Variants in ZNF623 observed in about 807,000 individuals in gnomAD.
ZNF623 encodes the protein zinc finger protein 623.
ZNF623 carries 16 observed loss-of-function variants against 24.0 expected under a neutral mutation model. That is an observed-to-expected ratio of 0.67 (90% confidence interval 0.45 to 1.01). The LOEUF is 1.01. Ranked by LOEUF, ZNF623 falls within the 50% of genes least tolerant of loss-of-function variation. The pLI, the probability that ZNF623 is intolerant of heterozygous loss-of-function variation, is 0.00. For synonymous variants in ZNF623, 224 were observed against 219.8 expected (o/e 1.02, Z -0.17); for missense variants, 566 against 606.5 (o/e 0.93, Z 0.70).
intron 1 of ZNF623, among the ~76,000 whole-genome samples, chr8:143,647,293 T>C (rs1230982889): frequency 6.6e-6 from 1 of 152,224 alleles, no homozygotes; most frequent in Non-Finnish European, 1.5e-5. Context: ...CCCAAGTAGC[T>C]GGGACTACAG....
At chr8:143,639,079 A>T (rs1046130626) in intron 1 of ZNF623, among the ~76,000 whole-genome samples, 4 of 151,898 alleles carry the variant, frequency 2.6e-5, no homozygotes, top group African/African-American at 9.7e-5. Context: ...TTTAGTAGAG[A>T]TGGGGTTTTA....
Position 143,651,082 on chromosome 8 carries a change from G to A in ZNF623, c.1090G>A (p.Glu364Lys). Residue 364 changes from glutamate to lysine, a missense_variant, in exon 2 of 2, where the codon GAA (glutamate) becomes AAA (lysine). Glu to Lys is a moderately conservative substitution (Grantham distance 56). Transcript: ENST00000526926. ...QKIHTGERVY[E>K]CKECGKAFLQ... ...AATCCACACTGGAGAGAGAGTGTAT[G>A]AATGTAAGGAATGTGGGAAAGCGTT... 1 of 1,614,226 alleles carries A rather than the reference G, an allele frequency of 6.2e-7. No homozygotes were observed. Among genetic ancestry groups the A allele is most frequent in the Non-Finnish European group, 8.5e-7 (1 of 1,180,046 alleles).
chr8:143,651,145 C>T lies in ZNF623; in HGVS notation c.1153C>T (p.His385Tyr), dbSNP rs1374536279. The T allele has an allele frequency of 1.2e-6, 2 of 1,614,036 alleles. No homozygotes were observed. The highest frequency in any genetic ancestry group is 1.7e-6 in the Non-Finnish European group (2 of 1,179,950). Reference protein sequence around the residue: ...KAHLTEHQKIHSGDRPFECKD... With the variant: ...KAHLTEHQKIYSGDRPFECKD... ...CCATCTCACTGAGCACCAGAAGATC[C>T]ACTCTGGGGACAGGCCCTTCGAATG... The change falls in exon 2 of 2, where the codon CAC becomes TAC. Residue 385 changes from histidine to tyrosine, a missense_variant. His to Tyr is a moderately conservative substitution (Grantham distance 83). Coordinates refer to ENST00000526926, the MANE Select transcript of ZNF623 (RefSeq NM_001261843.2).
At chr8:143,646,117 C>T (rs964547887) in intron 1 of ZNF623, among the ~76,000 whole-genome samples, 2 of 152,072 alleles carry the variant, frequency 1.3e-5, no homozygotes, top group Non-Finnish European at 2.9e-5. Flanking sequence ...TCATGGCTTA[C>T]TACAGCCTCA....
At chr8:143,636,493 G>T (rs1186075843) in intron 1 of ZNF623, 1 of 152,540 alleles carries the variant, frequency 6.6e-6, no homozygotes. Context: ...TGTCCGTGTC[G>T]CAGTCTTCAG....
intron 1 of ZNF623, among the ~76,000 whole-genome samples, chr8:143,647,162 G>A (rs527572291): frequency 6.7e-6 from 1 of 150,314 alleles, no homozygotes; most frequent in East Asian, 2.0e-4. Flanking sequence ...TTTTTTTTTT[G>A]TTTTGTTTCG....
chr8:143,638,226 A>C (rs760304568), intron 1 of ZNF623, among the ~76,000 whole-genome samples: 1 of 151,984 alleles, frequency 6.6e-6, no homozygotes, highest in Non-Finnish European at 1.5e-5. Context: ...CTGTAATCCC[A>C]GCTAGTCAGG....
chr8:143,644,786 C>T (rs375693481), intron 1 of ZNF623, among the ~76,000 whole-genome samples: 13 of 145,038 alleles, frequency 9.0e-5, no homozygotes, highest in African/African-American at 2.8e-4. Context: ...GCTGAGATCA[C>T]GCCACCATGC....
In ZNF623 at chr8:143,651,570, A is replaced by C; in HGVS notation, c.*87A>C. 6.8e-7 allele frequency: 1 copy of C among 1,464,096 alleles called. No individual in the cohort carries two copies. Among genetic ancestry groups the C allele is most frequent in the Non-Finnish European group, 9.2e-7 (1 of 1,088,928 alleles). The allele number at this position is 1,464,096 out of a possible 1,614,324, so 90.7% of individuals were successfully genotyped here. On this transcript the variant is annotated 3_prime_UTR_variant, in exon 2 of 2. Coordinates refer to ENST00000526926, the MANE Select transcript of ZNF623 (RefSeq NM_001261843.2). ...GTTTCTAAGATTTGGACATGTCAGAATTTTGTGAGTCATGGATGGGGCTGC... is the reference window on the plus strand; with the variant it reads ...GTTTCTAAGATTTGGACATGTCAGACTTTTGTGAGTCATGGATGGGGCTGC...
chr8:143,651,033 T>C lies in ZNF623; in HGVS notation c.1041T>C (p.Ser347=), dbSNP rs759152692. The C allele has an allele frequency of 1.9e-6, 3 of 1,614,092 alleles. No homozygotes were observed. The East Asian group carries it at 6.7e-5, about 36-fold the overall frequency. Residue 347 remains serine, a synonymous_variant, in exon 2 of 2, where the codon AGT becomes AGC. Transcript: ENST00000526926. ...CNECGKAFFL[S]SYLIRHQKIH... Reference sequence around the variant, plus strand: ...AGTGTGGGAAAGCTTTCTTTCTGAGTTCATACCTTATTCGACACCAGAAAA... The same window carrying C: ...AGTGTGGGAAAGCTTTCTTTCTGAGCTCATACCTTATTCGACACCAGAAAA...
intron 1 of ZNF623, among the ~76,000 whole-genome samples, chr8:143,642,938 A>G (rs1441366948): frequency 6.6e-6 from 1 of 152,098 alleles, no homozygotes; most frequent in Non-Finnish European, 1.5e-5. Context: ...TCAGACACTC[A>G]TCTGGTACTG....
Position 143,651,327 on chromosome 8 carries a change from G to T in ZNF623, c.1335G>T (p.Lys445Asn), listed in dbSNP as rs766554922. The T allele has an allele frequency of 6.2e-7, 1 of 1,614,166 alleles. No homozygotes were observed. The part of the protein sequence containing the change: ...LQHQKIHTEE[K>N]LYECSQYGRD... ...ACCAGAAAATTCATACTGAAGAGAA[G>T]CTCTATGAATGTAGTCAGTATGGGA... The change falls in exon 2 of 2, where the codon AAG (lysine) becomes AAT (asparagine). Residue 445 changes from lysine (K) to asparagine (N), a missense_variant. Lys to Asn is a moderately conservative substitution (Grantham distance 94). Transcript: ENST00000526926.
Position 143,643,733 on chromosome 8 carries a change from G to C in ZNF623, c.-95-6165G>C, listed in dbSNP as rs546294294. Among the ~76,000 whole-genome samples, 55 of 152,322 alleles carry C rather than the reference G, an allele frequency of 3.6e-4. No individual in the cohort carries two copies. The South Asian group carries it at 0.011, about 30-fold the overall frequency. On this transcript the variant is annotated intron_variant, in intron 1 of 1. Coordinates refer to ENST00000526926, the MANE Select transcript of ZNF623 (RefSeq NM_001261843.2). Reference sequence around the variant, plus strand: ...TTTCTAGCTTTATGTAAATGGAGTCGTACAATATGAGCTCTTTTGTGCCTG... The same window carrying C: ...TTTCTAGCTTTATGTAAATGGAGTCCTACAATATGAGCTCTTTTGTGCCTG...
chr8:143,651,347 A>G lies in ZNF623; in HGVS notation c.1355A>G (p.Tyr452Cys). The part of the protein sequence containing the change: ...TEEKLYECSQ[Y>C]GRDFNSTTNV... ...GAGAAGCTCTATGAATGTAGTCAGT[A>G]TGGGAGAGATTTTAACTCAACTACA... The change falls in exon 2 of 2, where the codon TAT becomes TGT. Residue 452 changes from tyrosine to cysteine, a missense_variant. Tyr to Cys is a radical substitution (Grantham distance 194, BLOSUM62 -2). Coordinates refer to ENST00000526926, the MANE Select transcript of ZNF623 (RefSeq NM_001261843.2). 6.2e-7 allele frequency: 1 copy of G among 1,614,220 alleles called. No individual in the cohort carries two copies. Among genetic ancestry groups the G allele is most frequent in the Non-Finnish European group, 8.5e-7 (1 of 1,180,032 alleles).
intron 1 of ZNF623, among the ~76,000 whole-genome samples, chr8:143,645,418 C>T (rs535765430): frequency 1.7e-4 from 22 of 128,328 alleles, no homozygotes; most frequent in Admixed American, 1.1e-3. Context: ...GGCAACAGAT[C>T]GAGACTCCAT....
intron 1 of ZNF623, among the ~76,000 whole-genome samples, chr8:143,641,967 T>C (rs1815064222): frequency 6.6e-6 from 1 of 152,228 alleles, no homozygotes; most frequent in Non-Finnish European, 1.5e-5. Context: ...TGGCTTCACG[T>C]CACCAGCTGC....
chr8:143,636,290 C>T (rs1200659574), intron 1 of ZNF623, 145 bp downstream of exon 1: 1 of 152,160 alleles, frequency 6.6e-6, no homozygotes, highest in Non-Finnish European at 1.5e-5. Flanking sequence ...CTAGGGCGTC[C>T]AGGAGCGGGG....
At chr8:143,637,379 G>T (rs142354397) in intron 1 of ZNF623, among the ~76,000 whole-genome samples, 1,878 of 152,260 alleles carry the variant, frequency 0.012, 21 homozygotes, top group Middle Eastern at 0.027. Context: ...GCAACACACA[G>T]TGACTCTGGC....
At position 143,650,324 on chromosome 8, in the gene ZNF623, A is replaced by T. The variant is rs1815269725; in HGVS notation, c.332A>T (p.Tyr111Phe). Residue 111 changes from tyrosine to phenylalanine, a missense_variant, in exon 2 of 2, where the codon TAC becomes TTC. By Grantham distance (22) the Tyr-to-Phe change is conservative. Around this residue, in one of 3 missense-constraint regions of ZNF623, gnomAD observed 313 missense variants for 300.4 expected, o/e 1.04. Transcript: ENST00000526926. The surrounding 1 kb of genome is among the most constrained non-coding windows in gnomAD (Gnocchi z 5.2). ...ATTTCGCATGCTGGGGAGAAACCTTACACGTGCGATCAGTGTGGGAAAGGC... is the reference window on the plus strand; with the variant it reads ...ATTTCGCATGCTGGGGAGAAACCTTTCACGTGCGATCAGTGTGGGAAAGGC... Reference protein sequence around the residue: ...HRISHAGEKPYTCDQCGKGFG... With the variant: ...HRISHAGEKPFTCDQCGKGFG... The T allele has an allele frequency of 6.2e-7, 1 of 1,614,252 alleles. No homozygotes were observed.
Sources: allele counts gnomAD v4.1 joint callset (sites outside exome capture counted in the v4.1 genomes callset), GRCh38; gene constraint gnomAD v4.1.1; regional missense constraint gnomAD v4.1.1; non-coding constraint Gnocchi (gnomAD v3.1); transcripts MANE v1.5; gene names NCBI Gene and HGNC (gene_info 2026-07-23, HGNC 2026-07-21).